CACNA1A: variants seen among roughly 807,000 people sequenced by gnomAD.
CACNA1A encodes voltage-dependent P/Q-type calcium channel subunit alpha-1A.
In CACNA1A, 57 loss-of-function variants were observed where a neutral mutation model predicts 262.4. The ratio of observed to expected loss-of-function variants is 0.22; its 90% CI spans 0.18 to 0.27. The LOEUF is 0.27. Among genes scored for constraint, CACNA1A ranks in the 10% least tolerant of loss-of-function variants. CACNA1A has a pLI of 1.00. For missense variants in CACNA1A, 2,526 were observed against 3,562.8 expected (o/e 0.71, Z 7.41); for synonymous variants, 1,431 against 1,419.3 (o/e 1.01, Z -0.18).
intron 24 of CACNA1A, among the ~76,000 whole-genome samples, chr19:13,268,725 C>T (rs942726287): frequency 1.3e-5 from 2 of 152,058 alleles, no homozygotes; most frequent in African/African-American, 4.8e-5. Context: ...TGAGCCACCG[C>T]GCCCGGCTGT....
rs36043557 is a variant in CACNA1A at position 13,248,842 on chromosome 19, C to CA, written c.4867-3578dup. The stretch of plus-strand genomic sequence containing the variant: ...TGGGCAACAGAGTGAGAATCCATCT[C>CA]AAAAAAAAAAAAATAATAATAAATT... On this transcript the variant is annotated intron_variant, in intron 30 of 46. Coordinates refer to ENST00000360228, the MANE Select transcript of CACNA1A (RefSeq NM_001127222.2). Among the ~76,000 whole-genome samples the CA allele has an allele frequency of 7.8e-4, 104 of 133,642 alleles. 1 individual carries two copies. The highest frequency in any genetic ancestry group is 1.9e-3 in the African/African-American group (69 of 35,744). The allele number at this position is 133,642 out of a possible 152,430, so 87.7% of individuals were successfully genotyped here. A position where few individuals can be genotyped will look rare whatever the true frequency, so the allele number is the denominator to read the frequency against.
rs751454719 is a variant in CACNA1A, at chr19:13,207,727, C to T, written c.7107G>A (p.Arg2369=). 21 of 1,369,434 alleles carry T rather than the reference C, an allele frequency of 1.5e-5. No homozygotes were observed. In the Admixed American group the frequency reaches 5.0e-4, roughly 33 times the overall value. The allele number at this position is 1,369,434 out of a possible 1,614,324, so 84.8% of individuals were successfully genotyped here. ...HSSGRSPRME[R]RVPGPARSES... Reference sequence around the variant, plus strand: ...CGCTCCGGGCCGGGCCTGGGACCCGCCTCTCCATCCTGGGCGAGCGGCCGC... The same window carrying T: ...CGCTCCGGGCCGGGCCTGGGACCCGTCTCTCCATCCTGGGCGAGCGGCCGC... Residue 2369 remains arginine, a synonymous_variant, in exon 47 of 47, where the codon AGG becomes AGA. Coordinates refer to ENST00000360228, the MANE Select transcript of CACNA1A (RefSeq NM_001127222.2). This position sits in a 1 kb window ranked among gnomAD's most constrained non-coding sequence, Gnocchi z 5.7.
chr19:13,276,855 A>T (rs1347778028), intron 23 of CACNA1A, among the ~76,000 whole-genome samples: 1 of 151,626 alleles, frequency 6.6e-6, no homozygotes, highest in Non-Finnish European at 1.5e-5. Flanking sequence ...GGGATTACAG[A>T]CATGTGCCAC....
At chr19:13,358,987 G>A (rs2059055071) in intron 6 of CACNA1A, among the ~76,000 whole-genome samples, 1 of 152,196 alleles carries the variant, frequency 6.6e-6, no homozygotes, top group Admixed American at 6.5e-5. Context: ...GTACATCCAA[G>A]CTCTGGCCAC....
At chr19:13,360,918 TTTTGTA>T (rs1364507909) in intron 5 of CACNA1A, among the ~76,000 whole-genome samples, 2 of 152,222 alleles carry the variant, frequency 1.3e-5, no homozygotes, top group African/African-American at 4.8e-5. Flanking sequence ...AGAAAATATG[TTTTGTA>T]TTTGTATTTT....
rs537455171 is a variant in CACNA1A, at chr19:13,241,312, C to T, written c.4950+3870G>A. On this transcript the variant is annotated intron_variant, in intron 31 of 46. Transcript: ENST00000360228. The surrounding 1 kb of genome is among the most constrained non-coding windows in gnomAD (Gnocchi z 4.0). ...AAACAGAAAACCCCCATTCAGAACC[C>T]GATAAAAACAGAGAGACAGAGTCTA... Among the ~76,000 whole-genome samples, 7 of 151,860 alleles carry T rather than the reference C, an allele frequency of 4.6e-5. No individual in the cohort carries two copies. Among genetic ancestry groups the T allele is most frequent in the African/African-American group, 1.7e-4 (7 of 41,382 alleles).
chr19:13,410,367 C>A (rs2060087529), intron 3 of CACNA1A, among the ~76,000 whole-genome samples: 1 of 151,868 alleles, frequency 6.6e-6, no homozygotes, highest in African/African-American at 2.4e-5. Flanking sequence ...GCTAGGACCA[C>A]AGGCATGCAC....
intron 33 of CACNA1A, 76 bp downstream of exon 33, chr19:13,235,133 T>A (rs1408695854): frequency 6.4e-6 from 10 of 1,558,288 alleles, no homozygotes; most frequent in Non-Finnish European, 8.9e-6. Flanking sequence ...TGAACCAGGC[T>A]CCTCTGACCC....
rs778551911 is a variant in CACNA1A at position 13,208,874 on chromosome 19, G to A, written c.6662C>T (p.Pro2221Leu). ...HHHHHHHHHPPPPDKDRYAQE... is the reference protein window; with the variant it reads ...HHHHHHHHHPLPPDKDRYAQE... ...GGCATAGCGGTCCTTGTCGGGGGGC[G>A]GGGGATGGTGGTGGTGGTGGTGGTG... Residue 2221 changes from proline (P) to leucine (L), a missense_variant, in exon 46 of 47, where the codon CCG becomes CTG. Pro to Leu is a moderately conservative substitution (Grantham distance 98). Around this residue, in one of 17 missense-constraint regions of CACNA1A, gnomAD observed 929 missense variants for 868.1 expected, o/e 1.07. Coordinates refer to ENST00000360228, the MANE Select transcript of CACNA1A (RefSeq NM_001127222.2). 7.0e-5 allele frequency: 108 copies of A among 1,534,934 alleles called. No individual in the cohort carries two copies. The highest frequency in any genetic ancestry group is 1.3e-4 in the South Asian group (11 of 83,928).
At chr19:13,434,803 T>C (rs2060581839) in intron 3 of CACNA1A, among the ~76,000 whole-genome samples, 1 of 152,008 alleles carries the variant, frequency 6.6e-6, no homozygotes, top group Non-Finnish European at 1.5e-5. Flanking sequence ...ATTATTATTA[T>C]TATTTTTACA....
At position 13,207,323 on chromosome 19, in the gene CACNA1A, T is replaced by C. The variant is rs756719396; in HGVS notation, c.7511A>G (p.Asp2504Gly). ...CCACCTCGCCCGGGCTTAGCACCAA[T>C]CATCGTCACTCTCGCTGTAGGGTTC... ...LHEPYSESDD[D>G]WC is the part of the protein sequence containing the mutation. The change falls in exon 47 of 47, where the codon GAT becomes GGT. Residue 2504 changes from aspartate (D) to glycine (G), a missense_variant. Asp to Gly is a moderately conservative substitution (Grantham distance 94). Transcript: ENST00000360228. The surrounding 1 kb of genome is among the most constrained non-coding windows in gnomAD (Gnocchi z 5.7). The C allele has an allele frequency of 3.2e-6, 5 of 1,559,788 alleles. No homozygotes were observed. The Admixed American group carries it at 9.0e-5, about 28-fold the overall frequency.
chr19:13,492,628 A>C (rs1206135497), intron 1 of CACNA1A, among the ~76,000 whole-genome samples: 1 of 152,178 alleles, frequency 6.6e-6, no homozygotes. Flanking sequence ...GGCTGGTCTC[A>C]AAACAAATAT....
At chr19:13,232,206 T>C (rs184490314) in intron 34 of CACNA1A, among the ~76,000 whole-genome samples, 22 of 147,948 alleles carry the variant, frequency 1.5e-4, no homozygotes, top group South Asian at 6.4e-4. Flanking sequence ...CTCTCTCTCT[T>C]TTTTTTTTTT....
intron 29 of CACNA1A, 85 bp from the exon 30 acceptor site, chr19:13,253,186 C>T (rs532839985): frequency 1.2e-5 from 10 of 815,224 alleles, no homozygotes; most frequent in South Asian, 4.6e-5. Context: ...GGCTGTTCTC[C>T]AGGCAACACT....
chr19:13,230,345 G>T (rs2055619519), intron 35 of CACNA1A, 136 bp from the exon 36 acceptor site: 1 of 840,104 alleles, frequency 1.2e-6, no homozygotes, highest in Non-Finnish European at 1.9e-6. Context: ...TGGAGAGAGG[G>T]ATAGAGAGAA....
intron 1 of CACNA1A, among the ~76,000 whole-genome samples, chr19:13,463,118 T>C (rs936236855): frequency 2.0e-5 from 3 of 151,074 alleles, no homozygotes; most frequent in African/African-American, 7.3e-5. Context: ...CTATCCTGGT[T>C]AGAAGATAGA....
intron 6 of CACNA1A, among the ~76,000 whole-genome samples, chr19:13,346,658 A>T (rs1296933631): frequency 0.012 from 66 of 5,506 alleles, 6 homozygotes; most frequent in Middle Eastern, 0.12. Context: ...ATATATATAT[A>T]TATATATATT....
Position 13,298,616 on chromosome 19 carries a change from C to A in CACNA1A, c.3017G>T (p.Arg1006Leu), listed in dbSNP as rs1268938831. The A allele has an allele frequency of 6.5e-7, 1 of 1,535,528 alleles. No homozygotes were observed. The highest frequency in any genetic ancestry group is 8.8e-7 in the Non-Finnish European group (1 of 1,139,752). The stretch of plus-strand genomic sequence containing the variant: ...CTCGTACGTGGCTGGAGCGCCATGC[C>A]GGTGCCTTCTCCTGCGCTCGCCCCC... ...PDGGERRRRH[R>L]HGAPATYEGD... is the part of the protein sequence containing the mutation. Residue 1006 changes from arginine (R) to leucine (L), a missense_variant, in exon 19 of 47, where the codon CGG (arginine) becomes CTG (leucine). Arg to Leu is a moderately radical substitution (Grantham distance 102, BLOSUM62 -2). Around this residue, in one of 17 missense-constraint regions of CACNA1A, gnomAD observed 765 missense variants for 748.6 expected, o/e 1.02. Coordinates refer to ENST00000360228, the MANE Select transcript of CACNA1A (RefSeq NM_001127222.2).
intron 6 of CACNA1A, among the ~76,000 whole-genome samples, chr19:13,343,111 CTTTCTTTTT>C (rs2058703995): frequency 6.7e-6 from 1 of 148,518 alleles, no homozygotes; most frequent in African/African-American, 2.5e-5. Context: ...TCTGGTCTTT[CTTTCTTTTT>C]TTTCTTTCTT....
Sources: allele counts gnomAD v4.1 joint callset (sites outside exome capture counted in the v4.1 genomes callset), GRCh38; gene constraint gnomAD v4.1.1; regional missense constraint gnomAD v4.1.1; non-coding constraint Gnocchi (gnomAD v3.1); transcripts MANE v1.5; gene names NCBI Gene and HGNC (gene_info 2026-07-23, HGNC 2026-07-21).